The following CHADL variants were observed in gnomAD, a reference collection of about 807,000 sequenced individuals.
The protein encoded by CHADL is chondroadherin like, also known as chondroadherin-like protein.
A neutral mutation model predicts 52.1 loss-of-function variants in CHADL; 48 were observed. The ratio of observed to expected loss-of-function variants is 0.92; its 90% CI spans 0.73 to 1.17. The LOEUF (loss-of-function observed/expected upper bound fraction) is 1.17, where lower values mean the gene tolerates loss of function less well. Among genes scored for constraint, CHADL ranks in the 50% most tolerant of loss-of-function variants. CHADL has a pLI of 0.00. For missense variants in CHADL, 977 were observed against 1,035.1 expected (o/e 0.94, Z 0.77); for synonymous variants, 498 against 511.2 (o/e 0.97, Z 0.35).
rs780998598 is a variant in CHADL at position 41,229,746 on chromosome 22, TAG to T, written c.2263-18_2263-17del. ...CCTTCCCCACCTGGGCACAGAAGAG[TAG>T]AGTCAGGTTTCTTTGGCATTTTCTG... On this transcript the variant is annotated splice_polypyrimidine_tract_variant and intron_variant, in intron 5 of 5. Coordinates refer to ENST00000216241, the MANE Select transcript of CHADL (RefSeq NM_138481.2). 1.2e-6 allele frequency: 2 copies of T among 1,605,172 alleles called. No individual in the cohort carries two copies. The highest frequency in any genetic ancestry group is 1.1e-5 in the South Asian group (1 of 90,142).
chr22:41,238,511 C>T lies in CHADL; in HGVS notation c.561G>A (p.Leu187=). The T allele has an allele frequency of 6.5e-7, 1 of 1,542,050 alleles. No homozygotes were observed. The highest frequency in any genetic ancestry group is 2.5e-5 in the East Asian group (1 of 40,802). ...CGCTGAGCGCGTTGTGCGACAGCCG[C>T]AGCCAGCGGACGCGCAGTAGCCCCT... ...AFQGLLRVRW[L]RLSHNALSVL... Residue 187 remains leucine, a synonymous_variant, in exon 3 of 6, where the codon CTG becomes CTA. Coordinates refer to ENST00000216241, the MANE Select transcript of CHADL (RefSeq NM_138481.2). The surrounding 1 kb of genome is among the most constrained non-coding windows in gnomAD (Gnocchi z 4.9).
intron 5 of CHADL, among the ~76,000 whole-genome samples, chr22:41,231,920 C>T (rs9611522): frequency 0.24 from 36,185 of 152,160 alleles, 4,937 homozygotes; most frequent in Admixed American, 0.39. Context: ...TCAAGAGCCC[C>T]TACCCAGGTG....
Position 41,230,303 on chromosome 22 carries a change from C to G in CHADL, c.2263-573G>C, listed in dbSNP as rs377453970. 3.0e-6 allele frequency: 4 copies of G among 1,312,528 alleles called. No individual in the cohort carries two copies. The African/African-American group carries it at 4.3e-5, about 14-fold the overall frequency. The allele number at this position is 1,312,528 out of a possible 1,614,324, so 81.3% of individuals were successfully genotyped here. ...AGCTGGAAGCCAGCCCAGCGTTTCT[C>G]TACCACCACCACCATGCCTCCACCT... On this transcript the variant is annotated intron_variant, in intron 5 of 5. Coordinates refer to ENST00000216241, the MANE Select transcript of CHADL (RefSeq NM_138481.2).
At chr22:41,235,693 C>T (rs1279259044) in intron 4 of CHADL, among the ~76,000 whole-genome samples, 2 of 152,152 alleles carry the variant, frequency 1.3e-5, no homozygotes, top group Non-Finnish European at 2.9e-5. Flanking sequence ...ACGTAGCAGA[C>T]ACTGTTCAAA....
rs953612983 is a variant in CHADL at position 41,235,302 on chromosome 22, G to A, written c.2105C>T (p.Ala702Val). 4 of 1,551,060 alleles carry A rather than the reference G, an allele frequency of 2.6e-6. No individual in the cohort carries two copies. Among genetic ancestry groups the A allele is most frequent in the Non-Finnish European group, 3.5e-6 (4 of 1,147,000 alleles). The change falls in exon 5 of 6, where the codon GCC (alanine) becomes GTC (valine). Residue 702 changes from alanine to valine, a missense_variant. Coordinates refer to ENST00000216241, the MANE Select transcript of CHADL (RefSeq NM_138481.2). ...CTGGCCACGGGCATTGGGAGGGGTGGCGCAGGTGGCCCCCACCCGCAGGTT... is the reference window on the plus strand; with the variant it reads ...CTGGCCACGGGCATTGGGAGGGGTGACGCAGGTGGCCCCCACCCGCAGGTT... ...GLNLRVGATC[A>V]TPPNARGQRV... is the part of the protein sequence containing the mutation.
intron 5 of CHADL, among the ~76,000 whole-genome samples, chr22:41,232,721 G>C (rs2032648191): frequency 6.6e-6 from 1 of 152,140 alleles, no homozygotes; most frequent in Non-Finnish European, 1.5e-5. Flanking sequence ...GTGTAGGGGT[G>C]GGGACCCGGG....
chr22:41,231,511 G>A (rs550228171), intron 5 of CHADL, among the ~76,000 whole-genome samples: 94 of 152,380 alleles, frequency 6.2e-4, no homozygotes, highest in African/African-American at 2.2e-3. Context: ...CCGCCTGTGC[G>A]TAGCACCTGG....
At chr22:41,234,405 C>T (rs192299216) in intron 5 of CHADL, among the ~76,000 whole-genome samples, 2 of 115,264 alleles carry the variant, frequency 1.7e-5, no homozygotes, top group African/African-American at 3.5e-5. Context: ...ATTATTGAGA[C>T]GGAGTCTCAC....
At chr22:41,232,860 C>T (rs976339328) in intron 5 of CHADL, among the ~76,000 whole-genome samples, 1 of 152,142 alleles carries the variant, frequency 6.6e-6, no homozygotes, top group South Asian at 2.1e-4. Flanking sequence ...GCTGCCATTT[C>T]CCAGTCGCGC....
rs1255371707 is a variant in CHADL, at chr22:41,237,848, G to A, written c.1224C>T (p.His408=). 2.1e-6 allele frequency: 3 copies of A among 1,443,422 alleles called. No homozygotes were observed. Among genetic ancestry groups the A allele is most frequent in the Non-Finnish European group, 2.7e-6 (3 of 1,101,660 alleles). 89.4% of individuals were successfully genotyped at this position (1,443,422 alleles called of 1,614,324 possible). Residue 408 remains histidine, a synonymous_variant, in exon 3 of 6, where the codon CAC becomes CAT. Transcript: ENST00000216241. The stretch of plus-strand genomic sequence containing the variant: ...GCAGGCCGCAGCCCTCGCAGCTGCT[G>A]TGCCGGGACTCGGGGACGCACACGC... ...RACVCVPESR[H]SSCEGCGLQA... is the part of the protein sequence containing the mutation.
rs1390331559 is a variant in CHADL at position 41,238,610 on chromosome 22, G to A, written c.462C>T (p.Phe154=). 3 of 1,544,744 alleles carry A rather than the reference G, an allele frequency of 1.9e-6. No individual in the cohort carries two copies. Among genetic ancestry groups the A allele is most frequent in the Non-Finnish European group, 2.6e-6 (3 of 1,146,498 alleles). The change falls in exon 3 of 6, where the codon TTC becomes TTT. Residue 154 remains phenylalanine (F), a synonymous_variant. Coordinates refer to ENST00000216241, the MANE Select transcript of CHADL (RefSeq NM_138481.2). This position sits in a 1 kb window ranked among gnomAD's most constrained non-coding sequence, Gnocchi z 4.9. The stretch of plus-strand genomic sequence containing the variant: ...GCGTGGCCAGCGCACCCAGTGCCCC[G>A]AACGTCCCCGGCCGCAGCTCCTCCA... The part of the protein sequence containing the change: ...NALEELRPGT[F]GALGALATLN...
At chr22:41,232,726 C>A (rs113689241) in intron 5 of CHADL, among the ~76,000 whole-genome samples, 1 of 152,028 alleles carries the variant, frequency 6.6e-6, no homozygotes, top group African/African-American at 2.4e-5. Context: ...GGGGTGGGGA[C>A]CCGGGGTGTC....
chr22:41,231,523 A>G (rs139483), intron 5 of CHADL, among the ~76,000 whole-genome samples: 110,608 of 152,262 alleles, frequency 0.73, 40,786 homozygotes, highest in African/African-American at 0.86. Flanking sequence ...AGCACCTGGC[A>G]TAGGCTGGCA....
Position 41,238,190 on chromosome 22 carries a change from G to C in CHADL, c.882C>G (p.Pro294=). ...DLRGNQLDTL[P]PLQGPGQLRR... ...GCAGCTGGCCCGGGCCCTGCAGCGGGGGCAGGGTGTCTAGCTGGTTCCCGC... is the reference window on the plus strand; with the variant it reads ...GCAGCTGGCCCGGGCCCTGCAGCGGCGGCAGGGTGTCTAGCTGGTTCCCGC... The change falls in exon 3 of 6, where the codon CCC becomes CCG. Residue 294 remains proline, a synonymous_variant. Transcript: ENST00000216241. The surrounding 1 kb of genome is among the most constrained non-coding windows in gnomAD (Gnocchi z 4.9). 6.6e-7 allele frequency: 1 copy of C among 1,513,004 alleles called. No homozygotes were observed. The highest frequency in any genetic ancestry group is 8.8e-7 in the Non-Finnish European group (1 of 1,138,142). 93.7% of individuals were successfully genotyped at this position (1,513,004 alleles called of 1,614,324 possible).
rs778853105 is a variant in CHADL at position 41,237,469 on chromosome 22, G to A, written c.1603C>T (p.Arg535Cys). 1 of 1,550,502 alleles carries A rather than the reference G, an allele frequency of 6.4e-7. No individual in the cohort carries two copies. Among genetic ancestry groups the A allele is most frequent in the African/African-American group, 1.4e-5 (1 of 73,176 alleles). Residue 535 changes from arginine (R) to cysteine (C), a missense_variant, in exon 3 of 6, where the codon CGC (arginine) becomes TGC (cysteine). Arg to Cys is a radical substitution (Grantham distance 180). Transcript: ENST00000216241. ...CTCCCCAGGTCCCCAGGTGCCAGGC[G>A]GTCCACAGCGTTGTCCTGCAGGTGC... The part of the protein sequence containing the change: ...SLHLQDNAVD[R>C]LAPGDLGRTR...
At chr22:41,230,024 A>C (rs978672832) in intron 5 of CHADL, 1 of 759,818 alleles carries the variant, frequency 1.3e-6, no homozygotes, top group Non-Finnish European at 2.2e-6. Flanking sequence ...TGGAGGGTGA[A>C]GGTGCATCCT....
At position 41,237,550 on chromosome 22, in the gene CHADL, G is replaced by A. The variant is rs1340316865; in HGVS notation, c.1522C>T (p.Arg508Cys). 6.4e-7 allele frequency: 1 copy of A among 1,550,530 alleles called. No homozygotes were observed. The highest frequency in any genetic ancestry group is 8.7e-7 in the Non-Finnish European group (1 of 1,146,924). The change falls in exon 3 of 6, where the codon CGT (arginine) becomes TGT (cysteine). Residue 508 changes from arginine (R) to cysteine (C), a missense_variant. Transcript: ENST00000216241. The stretch of plus-strand genomic sequence containing the variant: ...GCAGCCCCTGGCACCTGCAGGAAAC[G>A]GTTGCGTTCTAGGTACAGGTAGCCG... ...RLGYLYLERN[R>C]FLQVPGAALR...
intron 5 of CHADL, chr22:41,230,193 C>T: frequency 6.2e-7 from 1 of 1,613,506 alleles, no homozygotes; most frequent in South Asian, 1.1e-5. Context: ...CCCGACAAGG[C>T]TTCAAGTCCA....
In CHADL at chr22:41,238,900, G is replaced by A; in HGVS notation, c.187-15C>T. 6.6e-7 allele frequency: 1 copy of A among 1,520,136 alleles called. No homozygotes were observed. The highest frequency in any genetic ancestry group is 8.9e-7 in the Non-Finnish European group (1 of 1,126,964). 94.2% of individuals were successfully genotyped at this position (1,520,136 alleles called of 1,614,324 possible). A position where few individuals can be genotyped will look rare whatever the true frequency, so the allele number is the denominator to read the frequency against. ...CGCTGGGTCAGCTGGGGACAGCGAG[G>A]AGAAAGTGGGGCTGAGCCAGGCAGG... On this transcript the variant is annotated splice_polypyrimidine_tract_variant and intron_variant, in intron 2 of 5. Transcript: ENST00000216241. The surrounding 1 kb of genome is among the most constrained non-coding windows in gnomAD (Gnocchi z 4.9).
Sources: gnomAD v4.1 joint callset for allele counts (sites outside exome capture counted in the v4.1 genomes callset) on GRCh38, gnomAD v4.1.1 for gene constraint, Gnocchi (gnomAD v3.1) non-coding constraint, MANE v1.5 for transcripts, NCBI Gene and HGNC (gene_info 2026-07-23, HGNC 2026-07-21) for gene names.